The following F13A1 variants were observed in gnomAD, a reference collection of about 807,000 sequenced individuals.
F13A1 encodes the protein coagulation factor XIII A chain, also known as FSF, A subunit.
A neutral mutation model predicts 80.1 loss-of-function variants in F13A1; 47 were observed. That is an observed-to-expected ratio of 0.59 (90% CI 0.46 to 0.75). F13A1 has a LOEUF of 0.75. Among genes scored for constraint, F13A1 ranks in the 30% least tolerant of loss-of-function variants. The pLI is 0.00. For missense variants in F13A1, 817 were observed against 930.4 expected (o/e 0.88, Z 1.59); for synonymous variants, 349 against 344.9 (o/e 1.01, Z -0.13).
intron 3 of F13A1, among the ~76,000 whole-genome samples, chr6:6,269,253 G>A (rs377660229): frequency 1.5e-4 from 23 of 152,158 alleles, no homozygotes; most frequent in Middle Eastern, 3.4e-3. Flanking sequence ...GATCATGGTG[G>A]TCATAGTTTG....
At position 6,209,436 on chromosome 6, in the gene F13A1, G is replaced by C. The variant is rs555993729; in HGVS notation, c.1113-12110C>G. Among the ~76,000 whole-genome samples the C allele has an allele frequency of 7.2e-5, 11 of 152,034 alleles. No individual in the cohort carries two copies. In the East Asian group the frequency reaches 1.2e-3, roughly 16 times the overall value. On this transcript the variant is annotated intron_variant, in intron 8 of 14. Transcript: ENST00000264870. ...GAGTAGCTGCTTTGGAAAACAGTTT[G>C]GCACTTCATCAAAAGAAATTAAACA...
chr6:6,251,623 A>G (rs970901087), intron 4 of F13A1, among the ~76,000 whole-genome samples: 1 of 152,212 alleles, frequency 6.6e-6, no homozygotes, highest in African/African-American at 2.4e-5. Context: ...AAGCATCTTT[A>G]ACACAGACAG....
chr6:6,291,047 G>T (rs1758217914), intron 3 of F13A1, among the ~76,000 whole-genome samples: 1 of 151,114 alleles, frequency 6.6e-6, no homozygotes, highest in Non-Finnish European at 1.5e-5. Context: ...GGATATGGAT[G>T]ATGTTTTCAG....
chr6:6,287,566 G>A (rs574975123), intron 3 of F13A1, among the ~76,000 whole-genome samples: 2 of 152,210 alleles, frequency 1.3e-5, no homozygotes, highest in Admixed American at 6.5e-5. Flanking sequence ...CGATACCCAT[G>A]GCCCTTCATA....
In F13A1 at chr6:6,162,406, C is replaced by A. The variant is rs574232494; in HGVS notation, c.1908+5052G>T. 1.3e-5 allele frequency among the ~76,000 whole-genome samples: 2 copies of A among 152,212 alleles called. No individual in the cohort carries two copies. Among genetic ancestry groups the A allele is most frequent in the Non-Finnish European group, 2.9e-5 (2 of 68,042 alleles). ...TTGAACGTTATCTGTTCATTGGAGACCATTCATCTTTCTACAGTCTTAATT... is the reference window on the plus strand; with the variant it reads ...TTGAACGTTATCTGTTCATTGGAGAACATTCATCTTTCTACAGTCTTAATT... On this transcript the variant is annotated intron_variant, in intron 13 of 14. Transcript: ENST00000264870. This position sits in a 1 kb window ranked among gnomAD's most constrained non-coding sequence, Gnocchi z 4.2.
intron 2 of F13A1, among the ~76,000 whole-genome samples, chr6:6,317,157 A>G (rs1375911585): frequency 6.6e-6 from 1 of 152,212 alleles, no homozygotes; most frequent in Non-Finnish European, 1.5e-5. Flanking sequence ...CCTGCTTAAT[A>G]ATTTGATATC....
At chr6:6,318,493 T>C in intron 2 of F13A1, 42 bp downstream of exon 2, 2 of 1,590,920 alleles carry the variant, frequency 1.3e-6, no homozygotes, top group Non-Finnish European at 1.7e-6. Flanking sequence ...GGCCCGGCTG[T>C]GCCTGGACCC....
At chr6:6,213,360 G>C (rs1401457546) in intron 8 of F13A1, among the ~76,000 whole-genome samples, 1 of 152,158 alleles carries the variant, frequency 6.6e-6, no homozygotes, top group Non-Finnish European at 1.5e-5. Context: ...CCAGAAGAGA[G>C]TGGGGGCCAA....
chr6:6,218,315 C>T (rs926223910), intron 8 of F13A1, among the ~76,000 whole-genome samples: 1 of 152,188 alleles, frequency 6.6e-6, no homozygotes. Context: ...CCCTGCCCCT[C>T]TGAGTAGCCC....
At chr6:6,319,880 G>A (rs532656464) in intron 1 of F13A1, among the ~76,000 whole-genome samples, 38 of 152,338 alleles carry the variant, frequency 2.5e-4, no homozygotes, top group South Asian at 1.7e-3. Context: ...GTGAGCTGAC[G>A]GGGGAAGGGA....
At chr6:6,282,870 C>T (rs1561678357) in intron 3 of F13A1, among the ~76,000 whole-genome samples, 1 of 152,164 alleles carries the variant, frequency 6.6e-6, no homozygotes, top group African/African-American at 2.4e-5. Flanking sequence ...TCATCTGAGG[C>T]CTTTGGTGTG....
At chr6:6,310,489 A>C (rs887788024) in intron 2 of F13A1, among the ~76,000 whole-genome samples, 1 of 152,186 alleles carries the variant, frequency 6.6e-6, no homozygotes, top group Non-Finnish European at 1.5e-5. Context: ...CACCAAGTAC[A>C]TTCTTAATAA....
At chr6:6,175,951 G>C (rs1462665526) in intron 11 of F13A1, among the ~76,000 whole-genome samples, 5 of 152,262 alleles carry the variant, frequency 3.3e-5, no homozygotes, top group Non-Finnish European at 7.3e-5. Context: ...TTATGCCTCA[G>C]ACACTGGGAA....
intron 1 of F13A1, among the ~76,000 whole-genome samples, chr6:6,319,564 T>G (rs2113208662): frequency 6.6e-6 from 1 of 152,244 alleles, no homozygotes; most frequent in South Asian, 2.1e-4. Context: ...AATGACCAAA[T>G]GAAGGGGGAC....
rs866984007 is a variant in F13A1, at chr6:6,217,241, C to T, written c.1112+4792G>A. Reference sequence around the variant, plus strand: ...GACACATGCACACATATGTTTATTGCGGCACTATTCACAATAGCAAAGACT... The same window carrying T: ...GACACATGCACACATATGTTTATTGTGGCACTATTCACAATAGCAAAGACT... On this transcript the variant is annotated intron_variant, in intron 8 of 14. Coordinates refer to ENST00000264870, the MANE Select transcript of F13A1 (RefSeq NM_000129.4). 2.2e-3 allele frequency among the ~76,000 whole-genome samples: 340 copies of T among 151,954 alleles called. No individual in the cohort carries two copies. In the Middle Eastern group the frequency reaches 0.024, roughly 11 times the overall value.
chr6:6,195,877 G>T lies in F13A1; in HGVS notation c.1225C>A (p.Arg409=). The change falls in exon 10 of 15, where the codon CGG becomes AGG. Residue 409 remains arginine, a synonymous_variant. Transcript: ENST00000264870. ...GCTTGAACCGAGGCGGGGCCACACC[G>T]ATACATGCCTGCATTGCACAGAGGA... The part of the protein sequence containing the change: ...TPQENSDGMY[R]CGPASVQAIK... The T allele has an allele frequency of 6.2e-7, 1 of 1,614,064 alleles. No homozygotes were observed.
At chr6:6,240,370 C>T (rs975851880) in intron 6 of F13A1, among the ~76,000 whole-genome samples, 4 of 152,148 alleles carry the variant, frequency 2.6e-5, no homozygotes, top group Non-Finnish European at 2.9e-5. Context: ...CATCGTCCCC[C>T]CACTGCCCCC....
chr6:6,187,832 G>A lies in F13A1; in HGVS notation c.1306-5691C>T, dbSNP rs202019747. Among the ~76,000 whole-genome samples, 40 of 129,534 alleles carry A rather than the reference G, an allele frequency of 3.1e-4. No homozygotes were observed. The East Asian group carries it at 5.2e-3, about 17-fold the overall frequency. The allele number at this position is 129,534 out of a possible 152,430, so 85.0% of individuals were successfully genotyped here. A position where few individuals can be genotyped will look rare whatever the true frequency, so the allele number is the denominator to read the frequency against. On this transcript the variant is annotated intron_variant, in intron 10 of 14. Transcript: ENST00000264870. ...CCTCCTTGTACCTCTGGTAGAATTCGGCTGTGAATCCATCTGGTCCTGGAC... is the reference window on the plus strand; with the variant it reads ...CCTCCTTGTACCTCTGGTAGAATTCAGCTGTGAATCCATCTGGTCCTGGAC...
chr6:6,320,011 G>A (rs1000082016), intron 1 of F13A1, among the ~76,000 whole-genome samples: 1 of 152,184 alleles, frequency 6.6e-6, no homozygotes, highest in African/African-American at 2.4e-5. Context: ...GCGCGCTGTC[G>A]GGAGACACAG....
Sources: gnomAD v4.1 joint callset for allele counts (sites outside exome capture counted in the v4.1 genomes callset) on GRCh38, gnomAD v4.1.1 for gene constraint, Gnocchi (gnomAD v3.1) non-coding constraint, MANE v1.5 for transcripts, NCBI Gene and HGNC (gene_info 2026-07-23, HGNC 2026-07-21) for gene names.